RFLNA: variants seen among roughly 807,000 people sequenced by gnomAD.
The protein encoded by RFLNA is refilin A.
Under a neutral mutation model 7.8 loss-of-function variants are expected in RFLNA, and 5 were observed. That is an observed-to-expected ratio of 0.64 (90% CI 0.34 to 1.35). The LOEUF (loss-of-function observed/expected upper bound fraction) is 1.35. Ranked by LOEUF, RFLNA falls within the 40% of genes most tolerant of loss-of-function variation. The probability of loss-of-function intolerance (pLI) is 0.04; values close to 1 mark genes in which losing one functional copy is unlikely to be tolerated. For missense variants in RFLNA, 278 were observed against 305.5 expected, an observed-to-expected ratio of 0.91 and a Z score of 0.67; for synonymous variants, 141 against 131.3, an observed-to-expected ratio of 1.07 and a Z score of -0.50.
intron 2 of RFLNA, among the ~76,000 whole-genome samples, chr12:124,312,297 A>C (rs2034259590): frequency 4.2e-5 from 6 of 142,950 alleles, no homozygotes; most frequent in African/African-American, 7.9e-5. Flanking sequence ...CCCTAACTCT[A>C]CCTCCCTTCT....
At chr12:124,308,007 A>C (rs1227564869) in intron 1 of RFLNA, among the ~76,000 whole-genome samples, 1 of 146,740 alleles carries the variant, frequency 6.8e-6, no homozygotes, top group Non-Finnish European at 1.5e-5. Context: ...TTTGAGACAG[A>C]GTCCCGCTCT....
rs2034323363 is a variant in RFLNA, at chr12:124,314,875, G to C, written c.*350G>C. The C allele has an allele frequency of 4.6e-6, 2 of 432,440 alleles. No individual in the cohort carries two copies. The highest frequency in any genetic ancestry group is 4.0e-5 in the African/African-American group (2 of 50,252). The allele number at this position is 432,440 out of a possible 1,614,324, so 26.8% of individuals were successfully genotyped here. A position where few individuals can be genotyped will look rare whatever the true frequency, so the allele number is the denominator to read the frequency against. On this transcript the variant is annotated 3_prime_UTR_variant, in exon 3 of 3. Transcript: ENST00000546355. ...TTGAAGCAGAGAACAGCCCCGAGCAGTGTGAGGACAGAGGCATCCCAGCCT... is the reference window on the plus strand; with the variant it reads ...TTGAAGCAGAGAACAGCCCCGAGCACTGTGAGGACAGAGGCATCCCAGCCT...
chr12:124,314,808 AC>A lies in RFLNA; in HGVS notation c.*288del. 1 of 636,288 alleles carries A rather than the reference AC, an allele frequency of 1.6e-6. No homozygotes were observed. The highest frequency in any genetic ancestry group is 2.9e-6 in the Non-Finnish European group (1 of 343,198). 39.4% of individuals were successfully genotyped at this position (636,288 alleles called of 1,614,324 possible). On this transcript the variant is annotated 3_prime_UTR_variant, in exon 3 of 3. Transcript: ENST00000546355. ...GGGCATGCACTGTTAGGTGGTGGCCACCCCCAGGGTCAGGGGAAAAGAATGG... is the reference window on the plus strand; with the variant it reads ...GGGCATGCACTGTTAGGTGGTGGCCACCCCAGGGTCAGGGGAAAAGAATGG...
upstream of RFLNA, among the ~76,000 whole-genome samples, chr12:124,290,179 C>T (rs2033796749): frequency 6.6e-6 from 1 of 152,204 alleles, no homozygotes; most frequent in Non-Finnish European, 1.5e-5. This position sits in a 1 kb window ranked among gnomAD's most constrained non-coding sequence, Gnocchi z 4.0. Flanking sequence ...GCAGTTCTCT[C>T]GTCTTTTCTT....
chr12:124,309,559 T>C (rs116161842), intron 1 of RFLNA, among the ~76,000 whole-genome samples: 391 of 152,368 alleles, frequency 2.6e-3, no homozygotes, highest in African/African-American at 8.6e-3. Flanking sequence ...ACGCTCTGGG[T>C]CTATTATTCA....
chr12:124,306,113 G>T lies in RFLNA; in HGVS notation c.208-5705G>T, dbSNP rs759878212. Among the ~76,000 whole-genome samples the T allele has an allele frequency of 2.4e-4, 37 of 152,148 alleles. No individual in the cohort carries two copies. The highest frequency in any genetic ancestry group is 7.3e-5 in the Non-Finnish European group (5 of 68,034). The stretch of plus-strand genomic sequence containing the variant: ...CATACTCGGGGCTCTCTGGGTTGGG[G>T]CAGGGGCTGCTTTGCAGGTGTGGGG... On this transcript the variant is annotated intron_variant, in intron 1 of 2. Coordinates refer to ENST00000546355, the MANE Select transcript of RFLNA (RefSeq NM_001365156.1). This position sits in a 1 kb window ranked among gnomAD's most constrained non-coding sequence, Gnocchi z 5.2.
chr12:124,294,048 G>A (rs1036590229), upstream of RFLNA, among the ~76,000 whole-genome samples: 1 of 152,172 alleles, frequency 6.6e-6, no homozygotes, highest in African/African-American at 2.4e-5. Context: ...CAGGGCAGGG[G>A]CCTGCTGTCT....
At chr12:124,308,438 G>A (rs1387017233) in intron 1 of RFLNA, among the ~76,000 whole-genome samples, 2 of 151,998 alleles carry the variant, frequency 1.3e-5, no homozygotes, top group Admixed American at 6.6e-5. Context: ...CTTTGGGGGG[G>A]GACCCTGTTC....
Position 124,314,824 on chromosome 12 carries a change from G to A in RFLNA, c.*299G>A. The A allele has an allele frequency of 3.3e-6, 2 of 602,038 alleles. No homozygotes were observed. The highest frequency in any genetic ancestry group is 2.1e-5 in the Admixed American group (1 of 46,592). 37.3% of individuals were successfully genotyped at this position (602,038 alleles called of 1,614,324 possible). On this transcript the variant is annotated 3_prime_UTR_variant, in exon 3 of 3. Transcript: ENST00000546355. ...GTGGTGGCCACCCCCAGGGTCAGGG[G>A]AAAAGAATGGGTCCATGGAGTGCCC... is the stretch of plus-strand genomic sequence containing the variant.
At chr12:124,293,817 G>A (rs988176262), upstream of RFLNA, among the ~76,000 whole-genome samples, 2 of 152,168 alleles carry the variant, frequency 1.3e-5, no homozygotes. Context: ...CCTGCGCCCT[G>A]CTGTTCCCTC....
chr12:124,303,416 C>T (rs896292311), intron 1 of RFLNA, among the ~76,000 whole-genome samples: 5 of 152,204 alleles, frequency 3.3e-5, no homozygotes, highest in African/African-American at 9.6e-5. Flanking sequence ...CTCCAGGGCC[C>T]GTCCTGCCCC....
In RFLNA at chr12:124,298,125, C is replaced by T. The variant is rs868596216; in HGVS notation, c.207+2489C>T. Reference sequence around the variant, plus strand: ...TGTCTTTGTTCCACTATCCAGTGAACGACACCACCTTTCTGATAAAAGTTG... The same window carrying T: ...TGTCTTTGTTCCACTATCCAGTGAATGACACCACCTTTCTGATAAAAGTTG... On this transcript the variant is annotated intron_variant, in intron 1 of 2. Transcript: ENST00000546355. Among the ~76,000 whole-genome samples the T allele has an allele frequency of 3.6e-4, 55 of 152,286 alleles. 1 individual carries two copies. In the Middle Eastern group the frequency reaches 0.014, roughly 38 times the overall value.
chr12:124,312,533 G>C lies in RFLNA; in HGVS notation c.317+606G>C, dbSNP rs553981727. On this transcript the variant is annotated intron_variant, in intron 2 of 2. Transcript: ENST00000546355. ...ACTATGTTGCCCAGACTGGTCTCCA[G>C]CTCCTGGGCTCAAGTGATCCTCCTG... Among the ~76,000 whole-genome samples, 11 of 152,118 alleles carry C rather than the reference G, an allele frequency of 7.2e-5. No homozygotes were observed. The East Asian group carries it at 1.7e-3, about 24-fold the overall frequency.
At chr12:124,297,186 G>A (rs2033944096) in intron 1 of RFLNA, among the ~76,000 whole-genome samples, 1 of 152,160 alleles carries the variant, frequency 6.6e-6, no homozygotes. Flanking sequence ...TGACCCAGAA[G>A]CCTCCTTACA....
chr12:124,309,071 T>A (rs2034188971), intron 1 of RFLNA, among the ~76,000 whole-genome samples: 1 of 152,172 alleles, frequency 6.6e-6, no homozygotes. Context: ...TCCCAGGGCA[T>A]GGCCTGCATG....
intron 1 of RFLNA, among the ~76,000 whole-genome samples, chr12:124,297,683 T>A (rs1464457723): frequency 4.3e-5 from 3 of 69,302 alleles, no homozygotes; most frequent in African/African-American, 1.9e-4. Context: ...GCTAATTAAC[T>A]ACCTGTGATT....
chr12:124,291,207 G>T (rs758298265), upstream of RFLNA, among the ~76,000 whole-genome samples: 3 of 152,142 alleles, frequency 2.0e-5, no homozygotes, highest in Non-Finnish European at 2.9e-5. Context: ...ACCTCTCTGA[G>T]TCTCCATGGC....
At chr12:124,314,085 T>C in intron 2 of RFLNA, 107 bp from the exon 3 acceptor site, 1 of 1,392,358 alleles carries the variant, frequency 7.2e-7, no homozygotes, top group East Asian at 2.5e-5. Flanking sequence ...CCACACCCGT[T>C]AGGCTTCAGA....
chr12:124,312,356 G>C (rs1002483116), intron 2 of RFLNA, among the ~76,000 whole-genome samples: 35 of 151,230 alleles, frequency 2.3e-4, no homozygotes, highest in African/African-American at 8.5e-4. Context: ...TGTCACCCAG[G>C]CTGAAGTGCA....
Sources: allele counts gnomAD v4.1 joint callset (sites outside exome capture counted in the v4.1 genomes callset), GRCh38; gene constraint gnomAD v4.1.1; non-coding constraint Gnocchi (gnomAD v3.1); transcripts MANE v1.5; gene names NCBI Gene and HGNC (gene_info 2026-07-23, HGNC 2026-07-21).